TKTL1: variants seen among roughly 807,000 people sequenced by gnomAD.
TKTL1 encodes the protein transketolase-like protein 1.
TKTL1 carries 1 observed loss-of-function variant against 39.3 expected under a neutral mutation model. That is an observed-to-expected ratio of 0.03 (90% CI 0.01 to 0.12). The LOEUF is 0.12. TKTL1 is among the 10% of genes least tolerant of loss of function. The probability of loss-of-function intolerance (pLI) is 1.00; values close to 1 mark genes in which losing one functional copy is unlikely to be tolerated. For synonymous variants in TKTL1, 262 were observed against 193.8 expected, an observed-to-expected ratio of 1.35 and a Z score of -2.92; for missense variants, 575 against 509.6, an observed-to-expected ratio of 1.13 and a Z score of -1.24.
chrX:154,316,019 ACCACAGG>A lies in TKTL1; in HGVS notation c.1029+686_1029+692del, dbSNP rs1307719416. ...CCAGCTCCTGTCATTAGGCCAGAAA[ACCACAGG>A]CCAGCAGGTCTTATGTGACCACCAG... On this transcript the variant is annotated intron_variant, in intron 7 of 12. Coordinates refer to ENST00000369915, the MANE Select transcript of TKTL1 (RefSeq NM_012253.4). Among the ~76,000 whole-genome samples the A allele has an allele frequency of 9.8e-5, 11 of 111,777 alleles. No homozygotes were observed. The South Asian group carries it at 1.1e-3, about 11-fold the overall frequency.
At chrX:154,311,879 C>G (rs1171024145) in intron 5 of TKTL1, among the ~76,000 whole-genome samples, 2 of 111,152 alleles carry the variant, frequency 1.8e-5, no homozygotes, top group Non-Finnish European at 3.8e-5. Context: ...GTCCTTGCCT[C>G]TGCCTCCCCC....
At position 154,318,837 on chromosome X, in the gene TKTL1, T is replaced by C. The variant is rs868966563; in HGVS notation, c.1030-1920T>C. 3.2e-4 allele frequency among the ~76,000 whole-genome samples: 36 copies of C among 111,599 alleles called. 1 individual carries two copies. The highest frequency in any genetic ancestry group is 4.6e-3 in the Middle Eastern group (1 of 217). On this transcript the variant is annotated intron_variant, in intron 7 of 12. Transcript: ENST00000369915. Reference sequence around the variant, plus strand: ...CAGAAATTAAAACCCTTTTTCTACTTGATTTCCAATTTCCATTCCATTCAT... The same window carrying C: ...CAGAAATTAAAACCCTTTTTCTACTCGATTTCCAATTTCCATTCCATTCAT...
Position 154,315,348 on chromosome X carries a change from A to G in TKTL1, c.1029+11A>G. 8.4e-7 allele frequency: 1 copy of G among 1,195,927 alleles called. No homozygotes were observed. The highest frequency in any genetic ancestry group is 1.1e-6 in the Non-Finnish European group (1 of 885,081). ...GCTGAACAAAACATGGTGAGTGTGT[A>G]GTGTCTCTCAGGGCTTCTTAGAATC... On this transcript the variant is annotated intron_variant, in intron 7 of 12. Transcript: ENST00000369915.
intron 7 of TKTL1, among the ~76,000 whole-genome samples, chrX:154,318,989 GT>G (rs782685429): frequency 8.2e-5 from 9 of 109,306 alleles, no homozygotes; most frequent in Non-Finnish European, 1.5e-4. Flanking sequence ...TGAGCATTAG[GT>G]TTTTTTTTCT....
intron 2 of TKTL1, among the ~76,000 whole-genome samples, chrX:154,306,647 T>C (rs1358353072): frequency 9.0e-6 from 1 of 110,981 alleles, no homozygotes; most frequent in East Asian, 2.8e-4. Flanking sequence ...TTTTTTGTTC[T>C]TTTTTTGGGG....
intron 9 of TKTL1, among the ~76,000 whole-genome samples, chrX:154,324,727 G>C (rs73629188): frequency 0.072 from 8,059 of 111,431 alleles, 760 homozygotes; most frequent in African/African-American, 0.25. Flanking sequence ...TTATGCCTCG[G>C]TGAAGACACT....
At position 154,300,715 on chromosome X, in the gene TKTL1, G is replaced by C. The variant is rs112393896; in HGVS notation, c.135-4589G>C. Among the ~76,000 whole-genome samples the C allele has an allele frequency of 5.7e-3, 635 of 111,156 alleles. 5 individuals are homozygous for C. The highest frequency in any genetic ancestry group is 0.019 in the African/African-American group (567 of 30,563). On this transcript the variant is annotated intron_variant, in intron 1 of 12. Transcript: ENST00000369915. ...TTTGTTTGTGTTTGTTTGTTTGCTT[G>C]TTTTTGATGGAGTTTCTGTCACCCA...
intron 3 of TKTL1, among the ~76,000 whole-genome samples, chrX:154,310,503 ATGTT>A (rs2067348287): frequency 8.9e-6 from 1 of 112,579 alleles, no homozygotes; most frequent in Non-Finnish European, 1.9e-5. Flanking sequence ...GAATGTGTAA[ATGTT>A]TGGGGAACTT....
Position 154,311,246 on chromosome X carries a change from A to G in TKTL1, c.670+8A>G, listed in dbSNP as rs1557168307. On this transcript the variant is annotated splice_region_variant and intron_variant, in intron 5 of 12. Coordinates refer to ENST00000369915, the MANE Select transcript of TKTL1 (RefSeq NM_012253.4). ...AGGGCCGGGGCACCCCAAGTAAGCA[A>G]GCACTTTCCTCCTGCTCCTGGTTGT... is the stretch of plus-strand genomic sequence containing the variant. The G allele has an allele frequency of 8.3e-7, 1 of 1,211,278 alleles. No individual in the cohort carries two copies. Among genetic ancestry groups the G allele is most frequent in the Admixed American group, 2.2e-5 (1 of 46,062 alleles).
chrX:154,299,286 G>A (rs62617804), intron 1 of TKTL1, among the ~76,000 whole-genome samples: 2,329 of 105,139 alleles, frequency 0.022, 29 homozygotes, highest in Non-Finnish European at 0.033. Context: ...CTCCCAAGTA[G>A]CTGGGATTAC....
At position 154,315,365 on chromosome X, in the gene TKTL1, C is replaced by T. The variant is rs371943146; in HGVS notation, c.1029+28C>T. On this transcript the variant is annotated intron_variant, in intron 7 of 12. Coordinates refer to ENST00000369915, the MANE Select transcript of TKTL1 (RefSeq NM_012253.4). ...GAGTGTGTAGTGTCTCTCAGGGCTT[C>T]TTAGAATCAATGGCCCACTGGACAC... 5.1e-6 allele frequency: 6 copies of T among 1,170,374 alleles called. No individual in the cohort carries two copies. In the African/African-American group the frequency reaches 7.1e-5, roughly 14 times the overall value.
chrX:154,313,190 G>A (rs1407536291), intron 6 of TKTL1, among the ~76,000 whole-genome samples: 8 of 112,130 alleles, frequency 7.1e-5, no homozygotes, highest in Non-Finnish European at 5.6e-5. Context: ...CTCCTGGTGT[G>A]GTGTGCCTTT....
At chrX:154,314,356 A>C (rs2067381179) in intron 6 of TKTL1, among the ~76,000 whole-genome samples, 1 of 111,358 alleles carries the variant, frequency 9.0e-6, no homozygotes, top group African/African-American at 3.3e-5. Context: ...AGCCCATCTC[A>C]ACTTCATTAG....
At chrX:154,327,235 G>A in intron 10 of TKTL1, 1 of 367,463 alleles carries the variant, frequency 2.7e-6, no homozygotes, top group Admixed American at 2.8e-5. Flanking sequence ...GGCTGTGAGG[G>A]TTCTCAGAGT....
At chrX:154,308,378 A>G (rs2067331386) in intron 2 of TKTL1, among the ~76,000 whole-genome samples, 1 of 112,095 alleles carries the variant, frequency 8.9e-6, no homozygotes, top group Non-Finnish European at 1.9e-5. Context: ...GTGCCAGAGC[A>G]GTGGAAGGGA....
At chrX:154,300,010 A>AT (rs1169453325) in intron 1 of TKTL1, among the ~76,000 whole-genome samples, 8,610 of 86,613 alleles carry the variant, frequency 0.099, 444 homozygotes, top group Non-Finnish European at 0.12. Flanking sequence ...TACTTTTAGT[A>AT]TTTTTTTTTT....
At position 154,295,872 on chromosome X, in the gene TKTL1, G is replaced by C. The variant is rs2067221570; in HGVS notation, c.13G>C (p.Glu5Gln). Reference protein sequence around the residue: MADAEARAEFPEEAR... With the variant: MADAQARAEFPEEAR... ...AGGGGTTGGACTAATGGCGGATGCTGAGGCGAGGGCTGAGTTCCCGGAGGA... is the reference window on the plus strand; with the variant it reads ...AGGGGTTGGACTAATGGCGGATGCTCAGGCGAGGGCTGAGTTCCCGGAGGA... The change falls in exon 1 of 13, where the codon GAG becomes CAG. Residue 5 changes from glutamate to glutamine, a missense_variant. Glu to Gln is a conservative substitution (Grantham distance 29, BLOSUM62 2). Coordinates refer to ENST00000369915, the MANE Select transcript of TKTL1 (RefSeq NM_012253.4). The C allele has an allele frequency of 1.7e-6, 2 of 1,211,698 alleles. No individual in the cohort carries two copies. Among genetic ancestry groups the C allele is most frequent in the Non-Finnish European group, 1.1e-6 (1 of 895,355 alleles).
At position 154,300,010 on chromosome X, in the gene TKTL1, A is replaced by ATTT. The variant is rs1169453325; in HGVS notation, c.134+4033_134+4035dup. On this transcript the variant is annotated intron_variant, in intron 1 of 12. Transcript: ENST00000369915. ...TAGATGGTAATCTACTACTTTTAGT[A>ATTT]TTTTTTTTTTTTTTTTTTGTCTTGA... is the stretch of plus-strand genomic sequence containing the variant. Among the ~76,000 whole-genome samples, 31 of 86,651 alleles carry ATTT rather than the reference A, an allele frequency of 3.6e-4. 1 individual carries two copies. The highest frequency in any genetic ancestry group is 7.3e-4 in the African/African-American group (16 of 22,050). The allele number at this position is 86,651 out of a possible 115,157, so 75.2% of individuals were successfully genotyped here.
chrX:154,316,766 T>G lies in TKTL1; in HGVS notation c.1029+1429T>G, dbSNP rs201712181. 5.3e-3 allele frequency among the ~76,000 whole-genome samples: 565 copies of G among 106,141 alleles called. 2 individuals carry two copies. Among genetic ancestry groups the G allele is most frequent in the Admixed American group, 7.0e-3 (70 of 9,954 alleles). The allele number at this position is 106,141 out of a possible 115,157, so 92.2% of individuals were successfully genotyped here. On this transcript the variant is annotated intron_variant, in intron 7 of 12. Coordinates refer to ENST00000369915, the MANE Select transcript of TKTL1 (RefSeq NM_012253.4). ...TGTTTTGTGGTTTTTGGTTTTTTTTTGGGGGTTTTTTTTTTTTGAGATGGA... is the reference window on the plus strand; with the variant it reads ...TGTTTTGTGGTTTTTGGTTTTTTTTGGGGGGTTTTTTTTTTTTGAGATGGA...
Sources: gnomAD v4.1 joint callset for allele counts (sites outside exome capture counted in the v4.1 genomes callset) on GRCh38, gnomAD v4.1.1 for gene constraint, MANE v1.5 for transcripts, NCBI Gene and HGNC (gene_info 2026-07-23, HGNC 2026-07-21) for gene names.